The following GRID2 variants were observed in gnomAD, a reference collection of about 807,000 sequenced individuals.
The protein encoded by GRID2 is glutamate ionotropic receptor delta type subunit 2, also known as glutamate receptor ionotropic, delta-2.
GRID2 carries 33 observed loss-of-function variants against 114.8 expected under a neutral mutation model. The observed-to-expected ratio is 0.29, with a 90% CI of 0.22 to 0.38. GRID2 has a LOEUF of 0.38. Ranked by LOEUF, GRID2 falls within the 10% of genes least tolerant of loss-of-function variation. GRID2 has a pLI of 1.00. For missense variants in GRID2, 1,184 were observed against 1,257.7 expected (o/e 0.94, Z 0.89); for synonymous variants, 505 against 449.9 (o/e 1.12, Z -1.55).
chr4:93,703,602 G>A lies in GRID2; in HGVS notation c.2361-65608G>A, dbSNP rs111488946. ...GTTGGTGTGCTGCACCCAGTAACTC[G>A]TCATTTAACATTAGGTATATCTCCT... On this transcript the variant is annotated intron_variant, in intron 14 of 15. Transcript: ENST00000282020. 7.1e-3 allele frequency among the ~76,000 whole-genome samples: 1,073 copies of A among 151,394 alleles called. 13 individuals carry two copies. Among genetic ancestry groups the A allele is most frequent in the Non-Finnish European group, 0.011 (726 of 67,864 alleles).
At chr4:93,274,186 G>T (rs1044061252) in intron 8 of GRID2, among the ~76,000 whole-genome samples, 1 of 151,946 alleles carries the variant, frequency 6.6e-6, no homozygotes, top group South Asian at 2.1e-4. Flanking sequence ...TTAAAATCCT[G>T]CAGTGGCATT....
chr4:93,651,611 TGAAAA>T (rs1722589479), intron 14 of GRID2, among the ~76,000 whole-genome samples: 1 of 152,108 alleles, frequency 6.6e-6, no homozygotes, highest in African/African-American at 2.4e-5. Context: ...GAGTCTAATA[TGAAAA>T]ATAACTTTTA....
At chr4:92,698,281 A>G (rs1022303636) in intron 2 of GRID2, among the ~76,000 whole-genome samples, 20 of 152,162 alleles carry the variant, frequency 1.3e-4, no homozygotes, top group African/African-American at 4.8e-4. Context: ...TCATTTTCAC[A>G]GAAATGGTAA....
intron 2 of GRID2, among the ~76,000 whole-genome samples, chr4:93,083,466 G>A (rs1730054962): frequency 6.6e-6 from 1 of 151,946 alleles, no homozygotes; most frequent in Non-Finnish European, 1.5e-5. Flanking sequence ...GGCCGAGGCA[G>A]GTGGATCACA....
chr4:92,857,985 A>G (rs1269169640), intron 2 of GRID2, among the ~76,000 whole-genome samples: 1 of 152,200 alleles, frequency 6.6e-6, no homozygotes, highest in South Asian at 2.1e-4. Context: ...AAATGGAACA[A>G]TAAAGCCTGG....
intron 13 of GRID2, among the ~76,000 whole-genome samples, chr4:93,600,661 C>T (rs923541492): frequency 2.0e-5 from 3 of 152,106 alleles, no homozygotes; most frequent in Non-Finnish European, 4.4e-5. Context: ...TTAGCAGTTT[C>T]CTACCAAACT....
intron 2 of GRID2, among the ~76,000 whole-genome samples, chr4:92,812,889 A>C (rs1740724621): frequency 6.6e-6 from 1 of 152,144 alleles, no homozygotes; most frequent in South Asian, 2.1e-4. Context: ...AGTCTCACTC[A>C]GAGCTTAACA....
chr4:92,341,808 C>T (rs1051009642), intron 1 of GRID2, among the ~76,000 whole-genome samples: 8 of 150,892 alleles, frequency 5.3e-5, no homozygotes, highest in South Asian at 2.1e-4. Context: ...CCAGCTTCTT[C>T]GGAGGCTGAG....
intron 9 of GRID2, among the ~76,000 whole-genome samples, chr4:93,401,200 AAT>A (rs928963892): frequency 6.8e-6 from 1 of 146,290 alleles, no homozygotes; most frequent in Non-Finnish European, 1.5e-5. Flanking sequence ...TTCTCCATTA[AAT>A]ACACAATAGA....
chr4:93,177,323 C>T (rs1211963213), intron 4 of GRID2, among the ~76,000 whole-genome samples: 12 of 151,918 alleles, frequency 7.9e-5, no homozygotes, highest in African/African-American at 2.2e-4. Flanking sequence ...AATATAATAG[C>T]TAATATTTAT....
At chr4:92,661,052 T>C (rs921164704) in intron 2 of GRID2, among the ~76,000 whole-genome samples, 1 of 150,886 alleles carries the variant, frequency 6.6e-6, no homozygotes, top group Non-Finnish European at 1.5e-5. Context: ...TGGATAAATC[T>C]TTAAAATAAC....
intron 8 of GRID2, among the ~76,000 whole-genome samples, chr4:93,386,140 TG>T (rs1349320451): frequency 6.6e-6 from 1 of 152,194 alleles, no homozygotes; most frequent in African/African-American, 2.4e-5. Flanking sequence ...GCATGACCCT[TG>T]CTCTAATTCC....
At chr4:92,627,213 A>ATTTCC (rs1730569127) in intron 2 of GRID2, among the ~76,000 whole-genome samples, 1 of 152,096 alleles carries the variant, frequency 6.6e-6, no homozygotes, top group South Asian at 2.1e-4. Context: ...AACAAACAGT[A>ATTTCC]TTTTAGGAGG....
intron 12 of GRID2, among the ~76,000 whole-genome samples, chr4:93,509,608 G>T (rs1270748782): frequency 6.6e-6 from 1 of 152,122 alleles, no homozygotes; most frequent in Non-Finnish European, 1.5e-5. Context: ...TTGCATTTTG[G>T]AGAAGTTTAA....
chr4:92,606,622 G>A (rs1026381256), intron 2 of GRID2, among the ~76,000 whole-genome samples: 4 of 151,844 alleles, frequency 2.6e-5, no homozygotes, highest in African/African-American at 9.7e-5. Context: ...CTTTGGGCCT[G>A]GAACTGGTAC....
At chr4:92,988,555 T>G (rs1754649346) in intron 2 of GRID2, among the ~76,000 whole-genome samples, 1 of 152,140 alleles carries the variant, frequency 6.6e-6, no homozygotes, top group African/African-American at 2.4e-5. Flanking sequence ...GAGAGAGGAT[T>G]GCACAACCAT....
intron 11 of GRID2, among the ~76,000 whole-genome samples, chr4:93,466,714 G>C (rs939187389): frequency 6.6e-6 from 1 of 152,072 alleles, no homozygotes; most frequent in Admixed American, 6.6e-5. Flanking sequence ...GCCTAATCTG[G>C]TTCACTGTCT....
At chr4:93,109,979 T>C (rs1732612374) in intron 3 of GRID2, among the ~76,000 whole-genome samples, 1 of 152,154 alleles carries the variant, frequency 6.6e-6, no homozygotes, top group African/African-American at 2.4e-5. Flanking sequence ...ATTTGATAAA[T>C]TTCTAGAACT....
chr4:92,519,259 A>C (rs74937539), intron 1 of GRID2, among the ~76,000 whole-genome samples: 3,206 of 151,978 alleles, frequency 0.021, 59 homozygotes, highest in Non-Finnish European at 0.034. Context: ...TCACTAAAGA[A>C]AAAAGTCATT....
Sources: gnomAD v4.1 joint callset for allele counts (sites outside exome capture counted in the v4.1 genomes callset) on GRCh38, gnomAD v4.1.1 for gene constraint, MANE v1.5 for transcripts, NCBI Gene and HGNC (gene_info 2026-07-23, HGNC 2026-07-21) for gene names.